The following RNF44 variants were observed in gnomAD, a reference collection of about 807,000 sequenced individuals.
RNF44 encodes ring finger protein 44.
In RNF44, 25 loss-of-function variants were observed where a neutral mutation model predicts 53.6. That is an observed-to-expected ratio of 0.47 (90% CI 0.34 to 0.65). The LOEUF (loss-of-function observed/expected upper bound fraction) is 0.65. RNF44 is among the 30% of genes least tolerant of loss of function. The probability of loss-of-function intolerance (pLI) is 0.01; values close to 1 mark genes in which losing one functional copy is unlikely to be tolerated. For missense variants in RNF44, 581 were observed against 595.5 expected (o/e 0.98, Z 0.25); for synonymous variants, 282 against 252.2 (o/e 1.12, Z -1.12).
chr5:176,536,851 C>T (rs551883425), intron 1 of RNF44, 89 bp downstream of exon 1: 1 of 152,156 alleles, frequency 6.6e-6, no homozygotes, highest in Non-Finnish European at 1.5e-5. Context: ...TACGGAGCCA[C>T]CTAGATCACG....
At position 176,530,724 on chromosome 5, in the gene RNF44, T is replaced by C. The variant is rs1414364710; in HGVS notation, c.659A>G (p.Asn220Ser). ...CTGGTCCCCACGCAGGTCCACGTCG[T>C]TGTCGAGCCGCTGGAGGGGCTGGAA... ...HPRMPLQRLD[N>S]DVDLRGDQPS... is the part of the protein sequence containing the mutation. Residue 220 changes from asparagine (N) to serine (S), a missense_variant, in exon 6 of 11, where the codon AAC becomes AGC. Around this residue, in one of 3 missense-constraint regions of RNF44, gnomAD observed 387 missense variants for 366.0 expected, o/e 1.06. Coordinates refer to ENST00000274811, the MANE Select transcript of RNF44 (RefSeq NM_014901.5). 1.3e-6 allele frequency: 2 copies of C among 1,545,976 alleles called. No individual in the cohort carries two copies. Among genetic ancestry groups the C allele is most frequent in the Non-Finnish European group, 1.7e-6 (2 of 1,149,048 alleles).
rs752446330 is a variant in RNF44 at position 176,532,409 on chromosome 5, A to C, written c.64T>G (p.Phe22Val). ...PPSAPVGQRRFSAGPGSTPGQ... is the reference protein window; with the variant it reads ...PPSAPVGQRRVSAGPGSTPGQ... ...GGGGTGCTGCCAGGTCCCGCAGAGA[A>C]TCGCCGCTGGCCCACGGGGGCGGAG... is the stretch of plus-strand genomic sequence containing the variant. The change falls in exon 2 of 11, where the codon TTC (phenylalanine) becomes GTC (valine). Residue 22 changes from phenylalanine (F) to valine (V), a missense_variant. Physicochemically the swap from Phe to Val is conservative, Grantham distance 50 (BLOSUM62 -1). This residue lies in a region of RNF44 where 387 missense variants were observed against 366.0 expected (regional missense o/e 1.06). Transcript: ENST00000274811. 1 of 1,607,510 alleles carries C rather than the reference A, an allele frequency of 6.2e-7. No individual in the cohort carries two copies. The highest frequency in any genetic ancestry group is 2.2e-5 in the East Asian group (1 of 44,558).
Position 176,529,658 on chromosome 5 carries a change from G to A in RNF44, c.1015-14C>T. 3 of 1,613,584 alleles carry A rather than the reference G, an allele frequency of 1.9e-6. No individual in the cohort carries two copies. The highest frequency in any genetic ancestry group is 1.1e-5 in the South Asian group (1 of 91,058). On this transcript the variant is annotated splice_polypyrimidine_tract_variant and intron_variant, in intron 8 of 10. Transcript: ENST00000274811. The stretch of plus-strand genomic sequence containing the variant: ...GTTCAGGAGGGCCTGCATGCGGGCA[G>A]GAGACGGGGTCAGCGGCGCCCAGGG...
chr5:176,529,163 G>T (rs763093541), intron 10 of RNF44, 73 bp from the exon 11 acceptor site: 2 of 1,584,668 alleles, frequency 1.3e-6, no homozygotes, highest in South Asian at 1.1e-5. Context: ...CACCTGGGGG[G>T]ACTTGGTCCG....
rs1467387795 is a variant in RNF44 at position 176,529,026 on chromosome 5, CCTCA to C, written c.1297_*1del. On this transcript the variant is annotated stop_lost and 3_prime_UTR_variant, in exon 11 of 11. Coordinates refer to ENST00000274811, the MANE Select transcript of RNF44 (RefSeq NM_014901.5). The stretch of plus-strand genomic sequence containing the variant: ...TTCTCCCGGGCAGGCGGCTGCGTGG[CCTCA>C]CTCAGCCTCCCTGGGCACCTCGGAG... 6 of 1,611,444 alleles carry C rather than the reference CCTCA, an allele frequency of 3.7e-6. No homozygotes were observed. In the Admixed American group the frequency reaches 1.0e-4, roughly 27 times the overall value.
chr5:176,529,238 C>T (rs374741485), intron 10 of RNF44, 50 bp downstream of exon 10: 54 of 1,572,126 alleles, frequency 3.4e-5, no homozygotes, highest in Non-Finnish European at 4.4e-5. Flanking sequence ...CCAGCCCATC[C>T]CCCCGTCACT....
Position 176,528,664 on chromosome 5 carries a change from TCTGCCCATCCTG to T in RNF44, c.*352_*363del. On this transcript the variant is annotated 3_prime_UTR_variant, in exon 11 of 11. Coordinates refer to ENST00000274811, the MANE Select transcript of RNF44 (RefSeq NM_014901.5). ...CCTTCTGACCCAGGATGGTGCTCTG[TCTGCCCATCCTG>T]GGGCCAAGGATCTCCACCGGCCCCA... 13 of 307,248 alleles carry T rather than the reference TCTGCCCATCCTG, an allele frequency of 4.2e-5. No individual in the cohort carries two copies. Among genetic ancestry groups the T allele is most frequent in the South Asian group, 2.0e-4 (4 of 19,716 alleles). The allele number at this position is 307,248 out of a possible 1,614,324, so 19.0% of individuals were successfully genotyped here. A position where few individuals can be genotyped will look rare whatever the true frequency, so the allele number is the denominator to read the frequency against.
In RNF44 at chr5:176,530,576, A is replaced by AC; in HGVS notation, c.801+5dup. 3 of 1,434,136 alleles carry AC rather than the reference A, an allele frequency of 2.1e-6. No individual in the cohort carries two copies. The highest frequency in any genetic ancestry group is 2.7e-6 in the Non-Finnish European group (3 of 1,099,034). 88.8% of individuals were successfully genotyped at this position (1,434,136 alleles called of 1,614,324 possible). ...GAGCCCAGGTGGGGGTCGGGGTGGC[A>AC]CTCACCACACCAAAGGACAGCTCCT... On this transcript the variant is annotated splice_donor_region_variant and intron_variant, in intron 6 of 10. Coordinates refer to ENST00000274811, the MANE Select transcript of RNF44 (RefSeq NM_014901.5).
At chr5:176,529,151 G>A (rs745861259) in intron 10 of RNF44, 61 bp from the exon 11 acceptor site, 8 of 1,594,694 alleles carry the variant, frequency 5.0e-6, no homozygotes, top group Non-Finnish European at 6.0e-6. Context: ...CATCTGTGCA[G>A]CCACCTGGGG....
chr5:176,536,212 G>A (rs1447464996), intron 1 of RNF44: 1 of 152,266 alleles, frequency 6.6e-6, no homozygotes, highest in East Asian at 1.9e-4. Context: ...CTGAGGGCCG[G>A]ACCACCAGAC....
At chr5:176,535,857 T>G (rs1418345227) in intron 1 of RNF44, 1 of 152,236 alleles carries the variant, frequency 6.6e-6, no homozygotes, top group Non-Finnish European at 1.5e-5. Flanking sequence ...CACGGAGCTC[T>G]GTGTGAACGG....
At chr5:176,532,234 C>T in intron 2 of RNF44, 41 bp from the exon 3 acceptor site, 2 of 1,489,084 alleles carry the variant, frequency 1.3e-6, no homozygotes, top group Non-Finnish European at 1.8e-6. Context: ...CTGAGGGGGG[C>T]CACTCGTGCA....
At chr5:176,534,749 G>A (rs964500081) in intron 1 of RNF44, among the ~76,000 whole-genome samples, 2 of 152,202 alleles carry the variant, frequency 1.3e-5, no homozygotes, top group African/African-American at 4.8e-5. Flanking sequence ...GCGCCAACTT[G>A]GTGAGTCCTC....
rs1366911457 is a variant in RNF44 at position 176,528,187 on chromosome 5, A to C, written c.*841T>G. ...CCAAAAGAAAAAAGAAATTGTCTTAAATATCCACATCCCCAAATCCTACAC... is the reference window on the plus strand; with the variant it reads ...CCAAAAGAAAAAAGAAATTGTCTTACATATCCACATCCCCAAATCCTACAC... On this transcript the variant is annotated 3_prime_UTR_variant, in exon 11 of 11. Transcript: ENST00000274811. 1 of 152,316 alleles carries C rather than the reference A, an allele frequency of 6.6e-6. No individual in the cohort carries two copies. The highest frequency in any genetic ancestry group is 1.5e-5 in the Non-Finnish European group (1 of 68,048). 9.4% of individuals were successfully genotyped at this position (152,316 alleles called of 1,614,324 possible). A position where few individuals can be genotyped will look rare whatever the true frequency, so the allele number is the denominator to read the frequency against.
chr5:176,529,323 C>G lies in RNF44; in HGVS notation c.1201G>C (p.Glu401Gln), dbSNP rs892930361. The G allele has an allele frequency of 1.2e-6, 2 of 1,613,714 alleles. No homozygotes were observed. The highest frequency in any genetic ancestry group is 2.7e-5 in the African/African-American group (2 of 75,074). Residue 401 changes from glutamate (E) to glutamine (Q), a missense_variant, in exon 10 of 11, where the codon GAG becomes CAG. Around this residue, in one of 3 missense-constraint regions of RNF44, gnomAD observed 183 missense variants for 198.6 expected, o/e 0.92. Coordinates refer to ENST00000274811, the MANE Select transcript of RNF44 (RefSeq NM_014901.5). Reference protein sequence around the residue: ...QLLRVLPCNHEFHTKCVDKWL... With the variant: ...QLLRVLPCNHQFHTKCVDKWL... ...TTGTCAACACACTTGGTGTGGAACTCATGGTTGCAGGGGAGGACTCGGAGC... is the reference window on the plus strand; with the variant it reads ...TTGTCAACACACTTGGTGTGGAACTGATGGTTGCAGGGGAGGACTCGGAGC...
Position 176,529,089 on chromosome 5 carries a change from G to A in RNF44, c.1238C>T (p.Ala413Val). The change falls in exon 11 of 11, where the codon GCC becomes GTC. Residue 413 changes from alanine to valine, a missense_variant and splice_region_variant. By Grantham distance (64) the Ala-to-Val change is moderately conservative (BLOSUM62 0). Around this residue, in one of 3 missense-constraint regions of RNF44, gnomAD observed 183 missense variants for 198.6 expected, o/e 0.92. Transcript: ENST00000274811. The stretch of plus-strand genomic sequence containing the variant: ...CCGGCAGATGGGACACGTCCGGTTG[G>A]CCTGTGGGAACATGCACGTCAGGCG... ...HTKCVDKWLK[A>V]NRTCPICRAD... 1 of 1,613,180 alleles carries A rather than the reference G, an allele frequency of 6.2e-7. No individual in the cohort carries two copies.
In RNF44 at chr5:176,528,998, G is replaced by A. The variant is rs973204462; in HGVS notation, c.*30C>T. ...CCACAAGTTTCCAGAGCTTCAGGCAGGGTTCTCCCGGGCAGGCGGCTGCGT... is the reference window on the plus strand; with the variant it reads ...CCACAAGTTTCCAGAGCTTCAGGCAAGGTTCTCCCGGGCAGGCGGCTGCGT... On this transcript the variant is annotated 3_prime_UTR_variant, in exon 11 of 11. Transcript: ENST00000274811. The A allele has an allele frequency of 4.3e-5, 69 of 1,603,550 alleles. No individual in the cohort carries two copies. Among genetic ancestry groups the A allele is most frequent in the Non-Finnish European group, 5.7e-5 (67 of 1,174,950 alleles).
In RNF44 at chr5:176,526,821, TAAAA is replaced by T. The variant is rs1169089685; in HGVS notation, c.*2203_*2206del. On this transcript the variant is annotated 3_prime_UTR_variant, in exon 11 of 11. Coordinates refer to ENST00000274811, the MANE Select transcript of RNF44 (RefSeq NM_014901.5). ...CAAGCAGAACTAGCAACTTTCATTT[TAAAA>T]AAAGTACAAATCTGTTAAAAATTTC... is the stretch of plus-strand genomic sequence containing the variant. 6.6e-6 allele frequency: 1 copy of T among 152,456 alleles called. No homozygotes were observed. The highest frequency in any genetic ancestry group is 1.5e-5 in the Non-Finnish European group (1 of 68,018). The allele number at this position is 152,456 out of a possible 1,614,324, so 9.4% of individuals were successfully genotyped here.
At chr5:176,535,305 G>A (rs1412377527) in intron 1 of RNF44, among the ~76,000 whole-genome samples, 2 of 152,166 alleles carry the variant, frequency 1.3e-5, no homozygotes, top group Non-Finnish European at 2.9e-5. Flanking sequence ...ACTTAGCTTG[G>A]GTGTGAATGA....
Sources: gnomAD v4.1 joint callset for allele counts (sites outside exome capture counted in the v4.1 genomes callset) on GRCh38, gnomAD v4.1.1 for gene constraint, gnomAD v4.1.1 regional missense constraint, MANE v1.5 for transcripts, NCBI Gene and HGNC (gene_info 2026-07-23, HGNC 2026-07-21) for gene names.